The following SEC22C variants were observed in gnomAD, a reference collection of about 807,000 sequenced individuals.
SEC22C encodes the protein vesicle-trafficking protein SEC22c.
In SEC22C, 29 loss-of-function variants were observed where a neutral mutation model predicts 34.7. That is an observed-to-expected ratio of 0.84 (90% CI 0.62 to 1.14). The LOEUF is 1.14. SEC22C is among the 50% of genes most tolerant of loss of function. SEC22C has a pLI of 0.00. For synonymous variants in SEC22C, 117 were observed against 132.8 expected, an observed-to-expected ratio of 0.88 and a Z score of 0.82; for missense variants, 337 against 369.0, an observed-to-expected ratio of 0.91 and a Z score of 0.71.
At chr3:42,555,857 T>C in intron 6 of SEC22C, 73 bp downstream of exon 6, 1 of 1,231,502 alleles carries the variant, frequency 8.1e-7, no homozygotes, top group Non-Finnish European at 1.2e-6. Context: ...TCTAGAAACT[T>C]GCTGATAGAT....
intron 1 of SEC22C, among the ~76,000 whole-genome samples, chr3:42,580,008 T>C (rs1488245351): frequency 6.6e-6 from 1 of 152,250 alleles, no homozygotes; most frequent in African/African-American, 2.4e-5. Context: ...ATACACAGCA[T>C]CCGTGTTACT....
chr3:42,566,278 CA>C (rs889851061), intron 2 of SEC22C, among the ~76,000 whole-genome samples: 33 of 152,206 alleles, frequency 2.2e-4, no homozygotes, highest in African/African-American at 7.7e-4. Flanking sequence ...TCTAGCCTGA[CA>C]TTACCACCTA....
intron 2 of SEC22C, among the ~76,000 whole-genome samples, chr3:42,565,195 A>G (rs1703161658): frequency 1.3e-5 from 2 of 152,122 alleles, no homozygotes; most frequent in South Asian, 4.1e-4. Flanking sequence ...CATTTCTAGC[A>G]TCTTAGGATT....
chr3:42,599,733 C>A (rs1705202585), intron 1 of SEC22C, among the ~76,000 whole-genome samples: 1 of 151,102 alleles, frequency 6.6e-6, no homozygotes, highest in Non-Finnish European at 1.5e-5. Flanking sequence ...GGTAATGGAA[C>A]GACTGTATAT....
intron 1 of SEC22C, chr3:42,590,915 A>C (rs1280665148): frequency 2.0e-6 from 3 of 1,485,766 alleles, no homozygotes; most frequent in Non-Finnish European, 2.7e-6. Flanking sequence ...TGGCCTTCGT[A>C]CCGGACTGGC....
At chr3:42,600,425 G>A (rs984259244) in intron 1 of SEC22C, 2 of 152,192 alleles carry the variant, frequency 1.3e-5, no homozygotes, top group African/African-American at 4.8e-5. Flanking sequence ...CGAGATGGAG[G>A]GCGCAGGCGC....
intron 2 of SEC22C, chr3:42,564,155 A>G (rs1477731077): frequency 3.7e-5 from 12 of 320,546 alleles, no homozygotes; most frequent in Non-Finnish European, 7.2e-5. Flanking sequence ...GTCTATGCAA[A>G]TAAGACTGGC....
Position 42,555,886 on chromosome 3 carries a change from AG to A in SEC22C, c.711+43del, listed in dbSNP as rs554702676. 2.4e-5 allele frequency: 34 copies of A among 1,437,236 alleles called. No homozygotes were observed. In the South Asian group the frequency reaches 3.7e-4, roughly 16 times the overall value. The allele number at this position is 1,437,236 out of a possible 1,614,324, so 89.0% of individuals were successfully genotyped here. A position where few individuals can be genotyped will look rare whatever the true frequency, so the allele number is the denominator to read the frequency against. On this transcript the variant is annotated intron_variant, in intron 6 of 6. Transcript: ENST00000264454. ...GATAGATGAACAGAAGAACAAAGTA[AG>A]GTCATGGATTTAATCCACTGACCAA...
intron 1 of SEC22C, among the ~76,000 whole-genome samples, chr3:42,577,814 G>A (rs906983867): frequency 7.9e-5 from 12 of 151,948 alleles, no homozygotes; most frequent in Non-Finnish European, 2.9e-5. Flanking sequence ...TACTAAAAAT[G>A]CAAAAATTAG....
chr3:42,594,536 C>G, intron 1 of SEC22C: 1 of 1,593,114 alleles, frequency 6.3e-7, no homozygotes, highest in South Asian at 1.1e-5. Flanking sequence ...GAATAATCTT[C>G]CATTTGGCTG....
In SEC22C at chr3:42,557,571, A is replaced by G; in HGVS notation, c.645+7T>C. ...TTAAACTGTTTTAAAAAAAAAAAAA[A>G]GGTTACCTGTAAAGAATGTTCTGCA... On this transcript the variant is annotated splice_region_variant and intron_variant, in intron 5 of 6. Transcript: ENST00000264454. 4.4e-6 allele frequency: 6 copies of G among 1,365,040 alleles called. No individual in the cohort carries two copies. Among genetic ancestry groups the G allele is most frequent in the Non-Finnish European group, 6.1e-6 (6 of 990,168 alleles). 84.6% of individuals were successfully genotyped at this position (1,365,040 alleles called of 1,614,324 possible).
intron 1 of SEC22C, chr3:42,590,919 G>T: frequency 6.2e-7 from 1 of 1,609,574 alleles, no homozygotes; most frequent in Non-Finnish European, 8.5e-7. Flanking sequence ...CTTCGTACCG[G>T]ACTGGCTGAG....
chr3:42,592,049 C>T (rs1434554182), intron 1 of SEC22C, among the ~76,000 whole-genome samples: 3 of 152,150 alleles, frequency 2.0e-5, no homozygotes, highest in East Asian at 3.8e-4. Flanking sequence ...GTGACACACA[C>T]ACAAAGACAA....
At chr3:42,589,510 G>A (rs949066163) in intron 1 of SEC22C, among the ~76,000 whole-genome samples, 3 of 152,144 alleles carry the variant, frequency 2.0e-5, no homozygotes, top group Admixed American at 6.5e-5. Context: ...ATCCACCACG[G>A]ATGGCTAGAA....
At chr3:42,566,871 G>A (rs542186803) in intron 2 of SEC22C, 2 of 366,014 alleles carry the variant, frequency 5.5e-6, no homozygotes, top group South Asian at 4.1e-5. Flanking sequence ...GGGTATAGTG[G>A]TGTGTAGACT....
chr3:42,556,597 G>A (rs560061855), intron 5 of SEC22C, among the ~76,000 whole-genome samples: 3 of 152,334 alleles, frequency 2.0e-5, no homozygotes, highest in African/African-American at 4.8e-5. Context: ...AGTCTCCTGA[G>A]GTTCAACAAC....
At chr3:42,572,288 C>A (rs909611464) in intron 1 of SEC22C, among the ~76,000 whole-genome samples, 8 of 150,862 alleles carry the variant, frequency 5.3e-5, no homozygotes, top group Non-Finnish European at 1.2e-4. Context: ...TAATGCATAG[C>A]AAAACAAAAA....
At chr3:42,568,788 A>G (rs1252338703) in intron 2 of SEC22C, 77 bp downstream of exon 2, 54 of 1,204,694 alleles carry the variant, frequency 4.5e-5, no homozygotes, top group Admixed American at 4.2e-4. Context: ...TGTGATCAGC[A>G]TAAGATTATC....
chr3:42,594,538 A>G (rs770254642), intron 1 of SEC22C: 1 of 1,593,082 alleles, frequency 6.3e-7, no homozygotes, highest in Non-Finnish European at 8.6e-7. Flanking sequence ...ATAATCTTCC[A>G]TTTGGCTGTC....
Sources: gnomAD v4.1 joint callset for allele counts (sites outside exome capture counted in the v4.1 genomes callset) on GRCh38, gnomAD v4.1.1 for gene constraint, MANE v1.5 for transcripts, NCBI Gene and HGNC (gene_info 2026-07-23, HGNC 2026-07-21) for gene names.